ERCC6L2: variants seen among roughly 807,000 people sequenced by gnomAD.
The protein encoded by ERCC6L2 is ERCC excision repair 6 like 2.
In ERCC6L2, 77 loss-of-function variants were observed where a neutral mutation model predicts 132.0. That is an observed-to-expected ratio of 0.58 (90% CI 0.49 to 0.71). The LOEUF is 0.71. Ranked by LOEUF, ERCC6L2 falls within the 30% of genes least tolerant of loss-of-function variation. The pLI is 0.00. For synonymous variants in ERCC6L2, 583 were observed against 632.4 expected, an observed-to-expected ratio of 0.92 and a Z score of 1.17; for missense variants, 1,542 against 1,837.6, an observed-to-expected ratio of 0.84 and a Z score of 2.94.
intron 17 of ERCC6L2, among the ~76,000 whole-genome samples, chr9:95,980,788 C>G (rs1832860034): frequency 2.6e-5 from 4 of 152,086 alleles, no homozygotes; most frequent in Admixed American, 2.6e-4. Context: ...GGAAATGAAG[C>G]AAGAACAAAA....
intron 4 of ERCC6L2, among the ~76,000 whole-genome samples, chr9:95,908,198 C>T (rs1383994671): frequency 6.6e-6 from 1 of 152,130 alleles, no homozygotes; most frequent in Non-Finnish European, 1.5e-5. Context: ...ATGTTCAGGT[C>T]TCAACCCCAG....
chr9:96,012,934 A>G lies in ERCC6L2; in HGVS notation c.4384A>G (p.Lys1462Glu). 1 of 1,367,502 alleles carries G rather than the reference A, an allele frequency of 7.3e-7. No individual in the cohort carries two copies. The highest frequency in any genetic ancestry group is 9.8e-7 in the Non-Finnish European group (1 of 1,021,732). The allele number at this position is 1,367,502 out of a possible 1,614,324, so 84.7% of individuals were successfully genotyped here. A position where few individuals can be genotyped will look rare whatever the true frequency, so the allele number is the denominator to read the frequency against. The part of the protein sequence containing the change: ...HGNSPTQLPK[K>E]VLSGPMEKAK... ...GAACAGTCCCACACAACTGCCAAAG[A>G]AAGTTCTTTCAGGGCCCATGGAAAA... is the stretch of plus-strand genomic sequence containing the variant. Residue 1462 changes from lysine to glutamate, a missense_variant, in exon 19 of 19, where the codon AAA becomes GAA. This residue lies in a region of ERCC6L2 where 442 missense variants were observed against 583.4 expected (regional missense o/e 0.76). Coordinates refer to ENST00000653738, the MANE Select transcript of ERCC6L2 (RefSeq NM_020207.7).
At chr9:95,942,769 T>A (rs776840742) in intron 12 of ERCC6L2, among the ~76,000 whole-genome samples, 2 of 152,156 alleles carry the variant, frequency 1.3e-5, no homozygotes, top group Non-Finnish European at 2.9e-5. Flanking sequence ...AAAATTGTTA[T>A]TAATTTTGAA....
chr9:95,893,417 A>G (rs528079459), intron 2 of ERCC6L2, among the ~76,000 whole-genome samples: 1 of 152,256 alleles, frequency 6.6e-6, no homozygotes, highest in South Asian at 2.1e-4. Context: ...AATTTCCTGT[A>G]TTATAATGTT....
At chr9:95,904,221 T>C (rs947453701) in intron 3 of ERCC6L2, among the ~76,000 whole-genome samples, 3 of 152,124 alleles carry the variant, frequency 2.0e-5, no homozygotes, top group Admixed American at 1.3e-4. Flanking sequence ...TGTAAAGGTA[T>C]AATTTATTTT....
intron 6 of ERCC6L2, among the ~76,000 whole-genome samples, chr9:95,919,153 G>A (rs533849947): frequency 1.3e-5 from 2 of 152,064 alleles, no homozygotes; most frequent in African/African-American, 4.8e-5. Flanking sequence ...GAGCCACCAC[G>A]CCCGGCCTGT....
chr9:95,911,431 GATTGTTATAAAT>G (rs760607752), intron 4 of ERCC6L2, among the ~76,000 whole-genome samples: 3 of 151,870 alleles, frequency 2.0e-5, no homozygotes, highest in African/African-American at 4.8e-5. Context: ...CTTTTTTTCT[GATTGTTATAAAT>G]ATTGTTATAA....
At chr9:95,944,984 C>T (rs1415462438) in intron 12 of ERCC6L2, among the ~76,000 whole-genome samples, 4 of 152,138 alleles carry the variant, frequency 2.6e-5, no homozygotes, top group Non-Finnish European at 5.9e-5. Flanking sequence ...ATTGAAGTTT[C>T]GGGCATGCAT....
rs10512243 is a variant in ERCC6L2, at chr9:96,013,177, G to A, written c.4627G>A (p.Ala1543Thr). Residue 1543 changes from alanine (A) to threonine (T), a missense_variant, in exon 19 of 19, where the codon GCA becomes ACA. Ala to Thr is a moderately conservative substitution (Grantham distance 58). Coordinates refer to ENST00000653738, the MANE Select transcript of ERCC6L2 (RefSeq NM_020207.7). ...KFSPSDTDEN[A>T]TNTQSTT ...TAGCCCAAGTGATACAGATGAAAAC[G>A]CAACCAATACACAGAGTACCACATA... is the stretch of plus-strand genomic sequence containing the variant. 0.091 allele frequency: 124,338 copies of A among 1,364,476 alleles called. 6,279 individuals carry two copies. Among genetic ancestry groups the A allele is most frequent in the Admixed American group, 0.18 (9,230 of 51,704 alleles). 84.5% of individuals were successfully genotyped at this position (1,364,476 alleles called of 1,614,324 possible).
chr9:95,885,484 T>G (rs1419922331), intron 2 of ERCC6L2, among the ~76,000 whole-genome samples: 2 of 152,226 alleles, frequency 1.3e-5, no homozygotes, highest in Non-Finnish European at 2.9e-5. Context: ...TGAGGAAATT[T>G]TAATACAAAA....
chr9:95,915,932 C>G, intron 5 of ERCC6L2, 103 bp downstream of exon 5: 1 of 1,204,782 alleles, frequency 8.3e-7, no homozygotes, highest in South Asian at 1.6e-5. Flanking sequence ...AGTCATTTGT[C>G]TGGTTTTAGA....
intron 4 of ERCC6L2, among the ~76,000 whole-genome samples, chr9:95,913,444 T>C (rs1829435491): frequency 1.3e-5 from 1 of 79,514 alleles, no homozygotes; most frequent in Admixed American, 1.4e-4. Context: ...TTCGCTTGCT[T>C]GCCCGCTTGC....
At chr9:95,901,817 A>T (rs1388241602) in intron 3 of ERCC6L2, among the ~76,000 whole-genome samples, 1 of 152,248 alleles carries the variant, frequency 6.6e-6, no homozygotes, top group Non-Finnish European at 1.5e-5. Flanking sequence ...TTTTAATGGC[A>T]TCACCAGTGA....
chr9:95,980,880 G>A (rs1428876205), intron 17 of ERCC6L2, among the ~76,000 whole-genome samples: 1 of 152,130 alleles, frequency 6.6e-6, no homozygotes, highest in African/African-American at 2.4e-5. Flanking sequence ...TCCCACCGAT[G>A]TTACAGTATC....
chr9:96,029,889 G>A (rs779153201), intron 19 of ERCC6L2, among the ~76,000 whole-genome samples: 2 of 152,184 alleles, frequency 1.3e-5, no homozygotes, highest in African/African-American at 4.8e-5. Flanking sequence ...GAGAGCAAAC[G>A]ACTCGCTGTT....
At chr9:95,956,099 T>G (rs1831586520) in intron 13 of ERCC6L2, 86 bp downstream of exon 13, 1 of 691,412 alleles carries the variant, frequency 1.4e-6, no homozygotes, top group Admixed American at 2.9e-5. Context: ...AAATGTAAGT[T>G]TTAAATCTTA....
At chr9:95,900,856 ACG>A (rs779259374) in intron 3 of ERCC6L2, among the ~76,000 whole-genome samples, 17 of 152,160 alleles carry the variant, frequency 1.1e-4, no homozygotes, top group Non-Finnish European at 1.6e-4. Flanking sequence ...GGAAAGAAAA[ACG>A]TTAAATTTTT....
At chr9:95,883,137 A>G (rs995427949) in intron 2 of ERCC6L2, among the ~76,000 whole-genome samples, 1 of 152,170 alleles carries the variant, frequency 6.6e-6, no homozygotes, top group African/African-American at 2.4e-5. Flanking sequence ...GAAACTCACC[A>G]GATCGTAGAA....
chr9:95,925,725 T>G (rs571733804), intron 9 of ERCC6L2, among the ~76,000 whole-genome samples: 4 of 152,234 alleles, frequency 2.6e-5, no homozygotes, highest in Non-Finnish European at 5.9e-5. Flanking sequence ...GCAATAGTTA[T>G]GATACCACCC....
Sources: allele counts gnomAD v4.1 joint callset (sites outside exome capture counted in the v4.1 genomes callset), GRCh38; gene constraint gnomAD v4.1.1; regional missense constraint gnomAD v4.1.1; transcripts MANE v1.5; gene names NCBI Gene and HGNC (gene_info 2026-07-23, HGNC 2026-07-21).